DOCK8: variants seen among roughly 807,000 people sequenced by gnomAD.
DOCK8 encodes dedicator of cytokinesis 8.
DOCK8 carries 141 observed loss-of-function variants against 245.6 expected under a neutral mutation model. The observed-to-expected ratio is 0.57, with a 90% confidence interval of 0.50 to 0.66. DOCK8 has a LOEUF of 0.66. DOCK8 is among the 30% of genes least tolerant of loss of function. The pLI, the probability that DOCK8 is intolerant of heterozygous loss-of-function variation, is 0.00. For synonymous variants in DOCK8, 1,168 were observed against 970.2 expected (o/e 1.20, Z -3.79); for missense variants, 2,965 against 2,603.4 (o/e 1.14, Z -3.02).
chr9:434,790 AAGAGTT>A lies in DOCK8; in HGVS notation c.4896_4901del (p.Lys1632_Tyr1634delinsAsn), dbSNP rs1315294479. ...CACTCAATCTGTCTTCAGAATTGCC[AAGAGTT>A]ACCAGGCATCTCCTGATCTGCGGCT... On this transcript the variant is annotated inframe_deletion, in exon 39 of 48. Coordinates refer to ENST00000432829, the MANE Select transcript of DOCK8 (RefSeq NM_203447.4). The A allele has an allele frequency of 6.2e-7, 1 of 1,614,082 alleles. No individual in the cohort carries two copies. Among genetic ancestry groups the A allele is most frequent in the Non-Finnish European group, 8.5e-7 (1 of 1,180,036 alleles).
At chr9:444,527 A>C (rs2057192899) in intron 43 of DOCK8, among the ~76,000 whole-genome samples, 1 of 152,074 alleles carries the variant, frequency 6.6e-6, no homozygotes, top group Non-Finnish European at 1.5e-5. Flanking sequence ...TTCTCCAACC[A>C]GGAAGCTCCG....
At chr9:428,651 C>T (rs998025461) in intron 35 of DOCK8, among the ~76,000 whole-genome samples, 155 bp downstream of exon 35, 1 of 152,168 alleles carries the variant, frequency 6.6e-6, no homozygotes, top group African/African-American at 2.4e-5. Flanking sequence ...AGCAGATGCC[C>T]TGATTCTGTG....
chr9:292,459 A>G (rs945471799), intron 4 of DOCK8, among the ~76,000 whole-genome samples: 24 of 147,124 alleles, frequency 1.6e-4, no homozygotes, highest in African/African-American at 5.4e-4. Context: ...ATTAGATGTT[A>G]TAATTTATCA....
intron 7 of DOCK8, among the ~76,000 whole-genome samples, chr9:324,175 C>T (rs567753936): frequency 6.6e-6 from 1 of 152,236 alleles, no homozygotes; most frequent in African/African-American, 2.4e-5. Context: ...CCCTGGGAGT[C>T]TGCCATGATT....
intron 12 of DOCK8, among the ~76,000 whole-genome samples, chr9:337,713 C>T (rs569908851): frequency 2.0e-5 from 3 of 152,236 alleles, no homozygotes; most frequent in Admixed American, 6.5e-5. Context: ...AGTAGAATGA[C>T]GGTTGCCAGG....
intron 43 of DOCK8, among the ~76,000 whole-genome samples, chr9:445,035 G>T (rs573603974): frequency 1.3e-5 from 2 of 152,212 alleles, no homozygotes; most frequent in South Asian, 4.1e-4. Flanking sequence ...TGGCCAAATT[G>T]AAGAGTTTGT....
At chr9:259,025 G>A (rs886455782) in intron 1 of DOCK8, among the ~76,000 whole-genome samples, 9 of 152,096 alleles carry the variant, frequency 5.9e-5, no homozygotes, top group African/African-American at 1.9e-4. Flanking sequence ...AACAACTCTC[G>A]GTTGAGTGTG....
At chr9:215,762 C>G (rs1385649527) in intron 1 of DOCK8, 1 of 211,604 alleles carries the variant, frequency 4.7e-6, no homozygotes, top group East Asian at 1.2e-4. Context: ...AATATGTAAG[C>G]ACATTTACTG....
At chr9:276,764 T>A (rs773413589) in intron 2 of DOCK8, among the ~76,000 whole-genome samples, 1 of 152,214 alleles carries the variant, frequency 6.6e-6, no homozygotes, top group African/African-American at 2.4e-5. Flanking sequence ...CTATAATCAG[T>A]ACCTCTGTTA....
chr9:226,223 C>G (rs1218472997), intron 1 of DOCK8, among the ~76,000 whole-genome samples: 1 of 152,032 alleles, frequency 6.6e-6, no homozygotes, highest in Non-Finnish European at 1.5e-5. Flanking sequence ...AGAGCGTGTG[C>G]AGGGGAATTG....
At chr9:409,633 C>A (rs1467460598) in intron 28 of DOCK8, among the ~76,000 whole-genome samples, 2 of 151,778 alleles carry the variant, frequency 1.3e-5, no homozygotes, top group African/African-American at 4.8e-5. Context: ...ATACAACATG[C>A]AGGTTTGTTA....
At chr9:400,282 T>TCCA (rs1468209451) in intron 26 of DOCK8, among the ~76,000 whole-genome samples, 1 of 16,686 alleles carries the variant, frequency 6.0e-5, no homozygotes, top group Non-Finnish European at 9.1e-5. Flanking sequence ...CACCACCACT[T>TCCA]CCTTCACCAC....
intron 16 of DOCK8, 139 bp from the exon 17 acceptor site, chr9:371,289 G>C (rs1321358230): frequency 1.0e-5 from 10 of 954,372 alleles, no homozygotes; most frequent in African/African-American, 3.3e-5. Context: ...GGGACTTCCA[G>C]CTTCAGAGCA....
rs932275560 is a variant in DOCK8 at position 295,672 on chromosome 9, T to G, written c.404+6091T>G. Among the ~76,000 whole-genome samples, 8 of 152,294 alleles carry G rather than the reference T, an allele frequency of 5.3e-5. No homozygotes were observed. The East Asian group carries it at 1.5e-3, about 29-fold the overall frequency. On this transcript the variant is annotated intron_variant, in intron 4 of 47. Transcript: ENST00000432829. ...CCAGAACCAAGCAGTCAAACACTGA[T>G]TTAGTTAGCTCCTTTATTTCTCAGT...
At chr9:349,844 T>A (rs1222141290) in intron 14 of DOCK8, among the ~76,000 whole-genome samples, 1 of 152,226 alleles carries the variant, frequency 6.6e-6, no homozygotes, top group East Asian at 1.9e-4. Flanking sequence ...ACCTTAGAAT[T>A]CTGATTCATT....
chr9:271,589 A>T (rs1267115422), intron 1 of DOCK8, 38 bp from the exon 2 acceptor site: 8 of 1,421,618 alleles, frequency 5.6e-6, no homozygotes, highest in Non-Finnish European at 7.8e-6. Flanking sequence ...ATTTCCTAAA[A>T]TAATCATTTC....
In DOCK8 at chr9:463,550, C is replaced by T. The variant is rs750290900; in HGVS notation, c.6102C>T (p.Leu2034=). The T allele has an allele frequency of 1.9e-6, 3 of 1,614,214 alleles. No individual in the cohort carries two copies. Among genetic ancestry groups the T allele is most frequent in the South Asian group, 1.1e-5 (1 of 91,088 alleles). The change falls in exon 47 of 48, where the codon CTC becomes CTT. Residue 2034 remains leucine, a synonymous_variant. Coordinates refer to ENST00000432829, the MANE Select transcript of DOCK8 (RefSeq NM_203447.4). The stretch of plus-strand genomic sequence containing the variant: ...AAGCTGTAGAGAAAAACAAGCGTCT[C>T]ATCACGGCAGACCAGAGGGAATATC... The part of the protein sequence containing the change: ...CGEAVEKNKR[L]ITADQREYQQ...
intron 1 of DOCK8, among the ~76,000 whole-genome samples, chr9:236,021 G>A (rs1439307241): frequency 1.3e-5 from 2 of 152,194 alleles, no homozygotes; most frequent in Non-Finnish European, 1.5e-5. Context: ...GACTGGAGCT[G>A]TTCCTATTCG....
chr9:457,264 A>T (rs906055772), intron 46 of DOCK8, among the ~76,000 whole-genome samples: 8 of 152,222 alleles, frequency 5.3e-5, no homozygotes, highest in African/African-American at 1.7e-4. Context: ...TTCAGATCCC[A>T]TTCTGCCTCA....
Sources: gnomAD v4.1 joint callset for allele counts (sites outside exome capture counted in the v4.1 genomes callset) on GRCh38, gnomAD v4.1.1 for gene constraint, MANE v1.5 for transcripts, NCBI Gene and HGNC (gene_info 2026-07-23, HGNC 2026-07-21) for gene names.